The following SUMF1 variants were observed in gnomAD, a reference collection of about 807,000 sequenced individuals.
SUMF1 encodes the protein formylglycine-generating enzyme.
A neutral mutation model predicts 47.6 loss-of-function variants in SUMF1; 48 were observed. The ratio of observed to expected loss-of-function variants is 1.01; its 90% CI spans 0.80 to 1.28. The LOEUF is 1.28. SUMF1 is among the 50% of genes most tolerant of loss of function. The pLI is 0.00. For missense variants in SUMF1, 571 were observed against 485.4 expected, an observed-to-expected ratio of 1.18 and a Z score of -1.66; for synonymous variants, 230 against 192.1, an observed-to-expected ratio of 1.20 and a Z score of -1.63.
chr3:4,379,543 G>C (rs1700433210), intron 7 of SUMF1, among the ~76,000 whole-genome samples: 1 of 152,240 alleles, frequency 6.6e-6, no homozygotes, highest in African/African-American at 2.4e-5. Flanking sequence ...AGAACTGTGA[G>C]AGGATAAATT....
At chr3:4,329,841 G>C (rs1274014701) in intron 8 of SUMF1, among the ~76,000 whole-genome samples, 2 of 151,412 alleles carry the variant, frequency 1.3e-5, no homozygotes, top group East Asian at 3.9e-4. Context: ...TCTAAACATA[G>C]TTGCAATTCC....
intron 8 of SUMF1, among the ~76,000 whole-genome samples, chr3:4,087,360 T>C (rs1046664063): frequency 3.9e-5 from 6 of 152,130 alleles, no homozygotes; most frequent in Non-Finnish European, 7.3e-5. Context: ...AATAGCCATA[T>C]GACATAGGTA....
At chr3:4,414,222 T>C (rs1008123892) in intron 6 of SUMF1, among the ~76,000 whole-genome samples, 1 of 152,176 alleles carries the variant, frequency 6.6e-6, no homozygotes, top group African/African-American at 2.4e-5. Context: ...TCCCAGCTAC[T>C]TGGAAGGCTG....
intron 8 of SUMF1, among the ~76,000 whole-genome samples, chr3:4,294,542 G>C (rs1005842012): frequency 6.6e-6 from 1 of 152,126 alleles, no homozygotes; most frequent in African/African-American, 2.4e-5. Context: ...CTGAGTTGTA[G>C]AGAGTGTACC....
At chr3:4,123,199 G>C (rs1443241594) in intron 8 of SUMF1, among the ~76,000 whole-genome samples, 2 of 152,052 alleles carry the variant, frequency 1.3e-5, no homozygotes, top group African/African-American at 4.8e-5. Context: ...AATGGTCAAG[G>C]AAGCATCTTT....
At chr3:4,051,852 T>C (rs1157923112) in intron 9 of SUMF1, among the ~76,000 whole-genome samples, 1 of 152,196 alleles carries the variant, frequency 6.6e-6, no homozygotes, top group East Asian at 1.9e-4. Context: ...CCTTCTTTTC[T>C]ACCCCTGCAG....
intron 8 of SUMF1, among the ~76,000 whole-genome samples, chr3:4,215,069 C>A (rs1403089685): frequency 6.6e-6 from 1 of 152,128 alleles, no homozygotes; most frequent in East Asian, 1.9e-4. Flanking sequence ...CATCCTGATA[C>A]CAAAATCTGG....
chr3:4,357,520 T>A (rs1052977252), downstream of SUMF1, among the ~76,000 whole-genome samples: 21 of 151,876 alleles, frequency 1.4e-4, no homozygotes, highest in African/African-American at 4.3e-4. Flanking sequence ...AAAAATAGAA[T>A]TTACCCATGC....
intron 8 of SUMF1, among the ~76,000 whole-genome samples, chr3:4,144,865 G>A (rs1011294366): frequency 5.3e-5 from 8 of 152,078 alleles, no homozygotes; most frequent in African/African-American, 9.7e-5. Context: ...TCCTAAAAGC[G>A]GAACAAACCA....
chr3:4,103,335 T>C (rs1693080585), intron 8 of SUMF1, among the ~76,000 whole-genome samples: 1 of 152,084 alleles, frequency 6.6e-6, no homozygotes, highest in Non-Finnish European at 1.5e-5. Context: ...AGGAGGTCCA[T>C]ATTAGATGAA....
chr3:4,447,129 A>G (rs1575234114), intron 3 of SUMF1, among the ~76,000 whole-genome samples: 1 of 152,122 alleles, frequency 6.6e-6, no homozygotes, highest in African/African-American at 2.4e-5. Flanking sequence ...AGGATAACTC[A>G]GTAAGCTGTA....
At chr3:4,137,860 A>G (rs1387044190) in intron 8 of SUMF1, among the ~76,000 whole-genome samples, 1 of 152,056 alleles carries the variant, frequency 6.6e-6, no homozygotes, top group African/African-American at 2.4e-5. Flanking sequence ...AAGAAGAAGT[A>G]CAACCATCTC....
rs116632746 is a variant in SUMF1, at chr3:4,202,424, G to A, written c.1015-133679C>T. 3.7e-3 allele frequency among the ~76,000 whole-genome samples: 569 copies of A among 151,984 alleles called. 4 individuals are homozygous for A. The highest frequency in any genetic ancestry group is 5.9e-3 in the Non-Finnish European group (400 of 67,890). On this transcript the variant is annotated intron_variant and NMD_transcript_variant, in intron 8 of 12. Transcript: ENST00000448413. ...AAATGAATTCATTGTAGATGTTTAT[G>A]GTTGTATTTATGAGTTCTCTACCCT... is the stretch of plus-strand genomic sequence containing the variant.
chr3:4,037,781 G>C (rs1694825703), intron 9 of SUMF1, among the ~76,000 whole-genome samples: 1 of 152,150 alleles, frequency 6.6e-6, no homozygotes, highest in Admixed American at 6.5e-5. Flanking sequence ...ATCTCTACAT[G>C]TGTGTGTTCC....
rs952382437 is a variant in SUMF1, at chr3:4,090,091, G to C, written c.1015-21346C>G. 7.2e-5 allele frequency among the ~76,000 whole-genome samples: 11 copies of C among 152,132 alleles called. 1 individual carries two copies. Among genetic ancestry groups the C allele is most frequent in the Admixed American group, 6.5e-4 (10 of 15,270 alleles). On this transcript the variant is annotated intron_variant and NMD_transcript_variant, in intron 8 of 12. Coordinates refer to the SUMF1 transcript ENST00000448413. ...CAGGTATTCCCAGCACTAGCACAGT[G>C]CCTGGCCATAGCAGGTGCTTCATTA...
chr3:4,352,213 T>A (rs955618169), intron 8 of SUMF1, among the ~76,000 whole-genome samples: 3 of 152,174 alleles, frequency 2.0e-5, no homozygotes, highest in Non-Finnish European at 4.4e-5. Context: ...GTCCTGGTTC[T>A]GCCTCACTCA....
intron 1 of SUMF1, among the ~76,000 whole-genome samples, chr3:4,456,843 T>C (rs2079644090): frequency 6.0e-5 from 9 of 149,850 alleles, no homozygotes; most frequent in African/African-American, 2.0e-4. Flanking sequence ...TGTATATATA[T>C]ACGTGTGTGT....
chr3:4,321,235 A>G (rs1398683787), intron 8 of SUMF1, among the ~76,000 whole-genome samples: 3 of 152,118 alleles, frequency 2.0e-5, no homozygotes, highest in African/African-American at 7.2e-5. Context: ...TACAGTTAGT[A>G]TATTACAGTT....
At chr3:4,220,017 G>C (rs866177844) in intron 8 of SUMF1, among the ~76,000 whole-genome samples, 1 of 152,186 alleles carries the variant, frequency 6.6e-6, no homozygotes, top group African/African-American at 2.4e-5. Context: ...GATTACTGCA[G>C]TAGCCCAACT....
Sources: allele counts gnomAD v4.1 joint callset (sites outside exome capture counted in the v4.1 genomes callset), GRCh38; gene constraint gnomAD v4.1.1; transcripts MANE v1.5; gene names NCBI Gene and HGNC (gene_info 2026-07-23, HGNC 2026-07-21).